The following GPHN variants were observed in gnomAD, a reference collection of about 807,000 sequenced individuals.
GPHN encodes the protein gephyrin.
GPHN carries 17 observed loss-of-function variants against 95.5 expected under a neutral mutation model. That is an observed-to-expected ratio of 0.18 (90% CI 0.12 to 0.27). The LOEUF is 0.27. Among genes scored for constraint, GPHN ranks in the 10% least tolerant of loss-of-function variants. The pLI is 1.00. For synonymous variants in GPHN, 320 were observed against 322.5 expected, an observed-to-expected ratio of 0.99 and a Z score of 0.08; for missense variants, 660 against 978.1, an observed-to-expected ratio of 0.67 and a Z score of 4.34.
chr14:67,145,843 G>T (rs911029416), intron 18 of GPHN, among the ~76,000 whole-genome samples: 2 of 152,222 alleles, frequency 1.3e-5, no homozygotes, highest in South Asian at 2.1e-4. Context: ...AGGTATGCAA[G>T]AAATGTATTT....
intron 2 of GPHN, among the ~76,000 whole-genome samples, chr14:66,690,740 C>T (rs111427881): frequency 1.3e-5 from 2 of 152,090 alleles, no homozygotes; most frequent in African/African-American, 4.8e-5. Flanking sequence ...GAATTAATAT[C>T]TTTATCATTA....
chr14:67,303,579 C>T, the GPHN span: 3 of 1,613,496 alleles, frequency 1.9e-6, no homozygotes, highest in Admixed American at 1.7e-5. Flanking sequence ...GATCAAGCCG[C>T]CTCCTGCCAA....
chr14:66,927,383 G>A (rs1242099374), intron 8 of GPHN, among the ~76,000 whole-genome samples: 1 of 150,602 alleles, frequency 6.6e-6, no homozygotes, highest in African/African-American at 2.4e-5. Flanking sequence ...ACTAATTTTT[G>A]TTTGTTGATT....
chr14:67,315,434 GC>G, the GPHN span, among the ~76,000 whole-genome samples: 11 of 151,728 alleles, frequency 7.2e-5, no homozygotes, highest in South Asian at 2.3e-3. Flanking sequence ...CCACCACCAC[GC>G]CCAGCTGATG....
chr14:66,707,993 C>CAAAATAT (rs2153420305), intron 2 of GPHN, among the ~76,000 whole-genome samples: 1 of 152,234 alleles, frequency 6.6e-6, no homozygotes, highest in East Asian at 1.9e-4. Flanking sequence ...TAGCTATAGT[C>CAAAATAT]ACCCTATAAA....
At chr14:66,907,808 T>G (rs1398049205) in intron 5 of GPHN, among the ~76,000 whole-genome samples, 1 of 152,052 alleles carries the variant, frequency 6.6e-6, no homozygotes, top group Non-Finnish European at 1.5e-5. Flanking sequence ...TTAATATATA[T>G]GTATACTGGA....
chr14:67,167,601 T>G (rs2295903), intron 20 of GPHN, among the ~76,000 whole-genome samples: 37,993 of 152,020 alleles, frequency 0.25, 9,586 homozygotes, highest in African/African-American at 0.62. Context: ...TAGGCTAAAC[T>G]GACCATTGCC....
the GPHN span, among the ~76,000 whole-genome samples, chr14:67,604,724 A>AC: frequency 0.39 from 58,494 of 151,832 alleles, 11,583 homozygotes; most frequent in Admixed American, 0.53. Flanking sequence ...AACAACAACA[A>AC]AAAAAACTTT....
chr14:67,089,335 T>C (rs562498101), intron 12 of GPHN, among the ~76,000 whole-genome samples: 176 of 152,054 alleles, frequency 1.2e-3, no homozygotes, highest in African/African-American at 4.2e-3. Flanking sequence ...GTTTTAAATT[T>C]TTTATTTTTA....
the GPHN span, among the ~76,000 whole-genome samples, chr14:67,591,471 T>C: frequency 6.6e-6 from 1 of 152,264 alleles, no homozygotes; most frequent in African/African-American, 2.4e-5. Context: ...CAGGGTTAAC[T>C]GTATACATAA....
chr14:66,849,986 A>T (rs2153515003), intron 4 of GPHN, among the ~76,000 whole-genome samples: 1 of 152,286 alleles, frequency 6.6e-6, no homozygotes, highest in African/African-American at 2.4e-5. Flanking sequence ...TTAAGTTAAT[A>T]AAATACAAAC....
chr14:67,127,977 T>C lies in GPHN; in HGVS notation c.1748+5600T>C, dbSNP rs527359873. Among the ~76,000 whole-genome samples, 4 of 152,162 alleles carry C rather than the reference T, an allele frequency of 2.6e-5. No individual in the cohort carries two copies. The East Asian group carries it at 8.0e-4, about 30-fold the overall frequency. ...AAGCTGTTAGGCCTCTTTACCACAA[T>C]TTTATATTCCTGTGTAGCAACATAC... On this transcript the variant is annotated intron_variant, in intron 17 of 22. Transcript: ENST00000478722.
chr14:67,614,371 T>A, the GPHN span, among the ~76,000 whole-genome samples: 2 of 152,240 alleles, frequency 1.3e-5, no homozygotes, highest in Non-Finnish European at 2.9e-5. Flanking sequence ...CTGAGTTCCC[T>A]TGGATTTGCA....
chr14:67,172,906 C>T (rs2082681879), intron 21 of GPHN, among the ~76,000 whole-genome samples: 1 of 152,156 alleles, frequency 6.6e-6, no homozygotes, highest in South Asian at 2.1e-4. Context: ...CCCCTGGGAC[C>T]TAGGTTGCCA....
intron 9 of GPHN, among the ~76,000 whole-genome samples, chr14:67,019,827 C>G (rs2073508962): frequency 6.6e-6 from 1 of 152,144 alleles, no homozygotes; most frequent in Non-Finnish European, 1.5e-5. Flanking sequence ...GAAAGGGAAT[C>G]TTTTCCTGGC....
intron 1 of GPHN, among the ~76,000 whole-genome samples, chr14:66,535,199 A>G (rs1389373428): frequency 6.6e-6 from 1 of 152,150 alleles, no homozygotes; most frequent in Non-Finnish European, 1.5e-5. Flanking sequence ...AAAATAAAAC[A>G]TAGGATATTC....
intron 2 of GPHN, among the ~76,000 whole-genome samples, chr14:66,729,250 G>A (rs1011788861): frequency 1.3e-5 from 2 of 151,998 alleles, no homozygotes; most frequent in African/African-American, 4.8e-5. Flanking sequence ...CGTGAAAATG[G>A]ACTAATACAT....
the GPHN span, chr14:67,302,169 G>A: frequency 2.0e-6 from 3 of 1,524,616 alleles, no homozygotes; most frequent in Admixed American, 4.2e-5. Context: ...CTGCTGTTGT[G>A]TGCTTCAAAA....
intron 9 of GPHN, among the ~76,000 whole-genome samples, chr14:66,966,349 A>G (rs934034939): frequency 6.6e-6 from 1 of 152,048 alleles, no homozygotes; most frequent in African/African-American, 2.4e-5. Flanking sequence ...CTTCTCAGCA[A>G]TGTTTCCAGT....
Sources: gnomAD v4.1 joint callset for allele counts (sites outside exome capture counted in the v4.1 genomes callset) on GRCh38, gnomAD v4.1.1 for gene constraint, MANE v1.5 for transcripts, NCBI Gene and HGNC (gene_info 2026-07-23, HGNC 2026-07-21) for gene names.